Variants in N4BP1 observed in about 807,000 individuals in gnomAD.
The protein encoded by N4BP1 is NEDD4 binding protein 1, also known as NEDD4-binding protein 1.
In N4BP1, 21 loss-of-function variants were observed where a neutral mutation model predicts 70.9. That is an observed-to-expected ratio of 0.30 (90% CI 0.21 to 0.43). The LOEUF (loss-of-function observed/expected upper bound fraction) is 0.43, where lower values mean the gene tolerates loss of function less well. N4BP1 is among the 20% of genes least tolerant of loss of function. The pLI is 1.00. For synonymous variants in N4BP1, 387 were observed against 394.6 expected (o/e 0.98, Z 0.23); for missense variants, 936 against 1,069.4 (o/e 0.88, Z 1.74).
intron 1 of N4BP1, among the ~76,000 whole-genome samples, chr16:48,583,474 G>T (rs971671635): frequency 6.6e-6 from 1 of 152,124 alleles, no homozygotes; most frequent in Non-Finnish European, 1.5e-5. Flanking sequence ...AAATTCAAGA[G>T]AACTATTGTA....
intron 5 of N4BP1, 125 bp from the exon 6 acceptor site, chr16:48,546,379 G>T: frequency 1.9e-6 from 1 of 535,030 alleles, no homozygotes; most frequent in East Asian, 3.1e-5. Context: ...TCCTAAGACT[G>T]CTCAACTGCC....
chr16:48,581,248 T>TA (rs57672449), intron 1 of N4BP1, among the ~76,000 whole-genome samples: 52,660 of 144,986 alleles, frequency 0.36, 9,325 homozygotes, highest in African/African-American at 0.41. Context: ...CTTTTCATGA[T>TA]AAAAAAAAAA....
intron 1 of N4BP1, among the ~76,000 whole-genome samples, chr16:48,589,972 T>C (rs916649950): frequency 6.6e-6 from 1 of 152,184 alleles, no homozygotes; most frequent in Admixed American, 6.5e-5. Context: ...CCCTTCTTGC[T>C]TGGGGACCAG....
chr16:48,607,376 T>A (rs1198381163), intron 1 of N4BP1, among the ~76,000 whole-genome samples: 1 of 152,216 alleles, frequency 6.6e-6, no homozygotes, highest in African/African-American at 2.4e-5. Context: ...AGTGGAGATT[T>A]AAGCTGAAAG....
intron 1 of N4BP1, among the ~76,000 whole-genome samples, chr16:48,571,743 G>A (rs1426339924): frequency 5.3e-5 from 8 of 152,038 alleles, no homozygotes; most frequent in Admixed American, 5.2e-4. Context: ...AAAGACAAAG[G>A]GGAAGAAACC....
Position 48,584,423 on chromosome 16 carries a change from C to T in N4BP1, c.199-21979G>A, listed in dbSNP as rs367736328. ...ACTATAAGAAAAGCCTCATTTTTCA[C>T]GGTATGAATGAGAAATATCCCCAGG... On this transcript the variant is annotated intron_variant, in intron 1 of 6. Transcript: ENST00000262384. Among the ~76,000 whole-genome samples, 12 of 152,218 alleles carry T rather than the reference C, an allele frequency of 7.9e-5. No homozygotes were observed. In the South Asian group the frequency reaches 1.7e-3, roughly 21 times the overall value.
intron 1 of N4BP1, among the ~76,000 whole-genome samples, chr16:48,599,198 C>T (rs1338890465): frequency 6.6e-6 from 1 of 152,158 alleles, no homozygotes; most frequent in Non-Finnish European, 1.5e-5. Context: ...CCACTGCCCC[C>T]GCCCCTCATC....
chr16:48,600,740 T>C (rs1214233556), intron 1 of N4BP1: 3 of 328,254 alleles, frequency 9.1e-6, no homozygotes, highest in African/African-American at 4.3e-5. Context: ...ATAAGGTCAC[T>C]TAAATGAAAA....
chr16:48,609,811 C>G lies in N4BP1; in HGVS notation c.162G>C (p.Gln54His). ...EEPLPARIWL[Q>H]LCGAQEAVHS... ...GCACCGCCTCCTGCGCCCCGCAGAG[C>G]TGCAGCCAGATGCGCGCGGGCAGCG... The change falls in exon 1 of 7, where the codon CAG becomes CAC. Residue 54 changes from glutamine to histidine, a missense_variant. Coordinates refer to ENST00000262384, the MANE Select transcript of N4BP1 (RefSeq NM_153029.4). 1.3e-6 allele frequency: 2 copies of G among 1,483,908 alleles called. No individual in the cohort carries two copies. Among genetic ancestry groups the G allele is most frequent in the Non-Finnish European group, 1.8e-6 (2 of 1,122,062 alleles). 91.9% of individuals were successfully genotyped at this position (1,483,908 alleles called of 1,614,324 possible).
intron 1 of N4BP1, among the ~76,000 whole-genome samples, chr16:48,595,051 G>A (rs1964390425): frequency 6.6e-6 from 1 of 152,132 alleles, no homozygotes; most frequent in Non-Finnish European, 1.5e-5. Context: ...GGACTCCCAG[G>A]GATAGCTAAA....
chr16:48,548,138 A>T, intron 4 of N4BP1, 24 bp from the exon 5 acceptor site: 1 of 1,403,154 alleles, frequency 7.1e-7, no homozygotes. Context: ...AGAGAGTTTA[A>T]AATCAGCAAC....
At chr16:48,577,181 C>G (rs752328460) in intron 1 of N4BP1, among the ~76,000 whole-genome samples, 4 of 152,168 alleles carry the variant, frequency 2.6e-5, no homozygotes, top group Non-Finnish European at 4.4e-5. Context: ...ATGACTAATG[C>G]CAAGCCCAAA....
rs1407110638 is a variant in N4BP1 at position 48,561,519 on chromosome 16, G to C, written c.1124C>G (p.Thr375Ser). ...TTCCTCTAAGAGCAATAATGGTTCA[G>C]TAGATGGTCCATACACCTTAATGAC... ...EKVIKVYGPS[T>S]EPLLLLEEIE... is the part of the protein sequence containing the mutation. The change falls in exon 2 of 7, where the codon ACT becomes AGT. Residue 375 changes from threonine (T) to serine (S), a missense_variant. Physicochemically the swap from Thr to Ser is moderately conservative, Grantham distance 58. This residue lies in a region of N4BP1 where 515 missense variants were observed against 491.7 expected (regional missense o/e 1.05). Transcript: ENST00000262384. 1 of 1,613,506 alleles carries C rather than the reference G, an allele frequency of 6.2e-7. No homozygotes were observed. The highest frequency in any genetic ancestry group is 8.5e-7 in the Non-Finnish European group (1 of 1,179,808).
At chr16:48,589,057 A>G (rs568594433) in intron 1 of N4BP1, among the ~76,000 whole-genome samples, 1 of 152,276 alleles carries the variant, frequency 6.6e-6, no homozygotes, top group African/African-American at 2.4e-5. Context: ...TTACATTATA[A>G]CTTGTAGATT....
chr16:48,601,562 T>C (rs1964499272), intron 1 of N4BP1, among the ~76,000 whole-genome samples: 1 of 152,166 alleles, frequency 6.6e-6, no homozygotes, highest in African/African-American at 2.4e-5. Context: ...AAAGATGCCA[T>C]AATCACAAAT....
At position 48,561,610 on chromosome 16, in the gene N4BP1, T is replaced by G. The variant is rs746326634; in HGVS notation, c.1033A>C (p.Met345Leu). The change falls in exon 2 of 7, where the codon ATG (methionine) becomes CTG (leucine). Residue 345 changes from methionine (M) to leucine (L), a missense_variant. Physicochemically the swap from Met to Leu is conservative, Grantham distance 15. Around this residue, in one of 4 missense-constraint regions of N4BP1, gnomAD observed 515 missense variants for 491.7 expected, o/e 1.05. Transcript: ENST00000262384. ...SPDIKETTEEMEYNILVNFFK... is the reference protein window; with the variant it reads ...SPDIKETTEELEYNILVNFFK... ...AAGTTTACGAGGATGTTGTATTCCA[T>G]TTCCTCAGTAGTTTCTTTTATATCT... 6.2e-7 allele frequency: 1 copy of G among 1,613,378 alleles called. No homozygotes were observed. Among genetic ancestry groups the G allele is most frequent in the Non-Finnish European group, 8.5e-7 (1 of 1,179,812 alleles).
chr16:48,567,492 T>C (rs1158443602), intron 1 of N4BP1, among the ~76,000 whole-genome samples: 1 of 152,106 alleles, frequency 6.6e-6, no homozygotes, highest in African/African-American at 2.4e-5. Flanking sequence ...TAATTTTTTG[T>C]ATTTTTAGTA....
At position 48,539,328 on chromosome 16, in the gene N4BP1, A is replaced by C. The variant is rs1178411114; in HGVS notation, c.*3576T>G. On this transcript the variant is annotated 3_prime_UTR_variant, in exon 7 of 7. Coordinates refer to ENST00000262384, the MANE Select transcript of N4BP1 (RefSeq NM_153029.4). ...CCACCCCTGGGTGTCTGAGAGTGGG[A>C]GTAGCGGGCAGGGGCCAGCAAAGCA... is the stretch of plus-strand genomic sequence containing the variant. The C allele has an allele frequency of 1.3e-5, 2 of 152,508 alleles. No homozygotes were observed. Among genetic ancestry groups the C allele is most frequent in the African/African-American group, 4.8e-5 (2 of 41,428 alleles). The allele number at this position is 152,508 out of a possible 1,614,324, so 9.4% of individuals were successfully genotyped here.
chr16:48,542,932 T>C lies in N4BP1; in HGVS notation c.2663A>G (p.Asn888Ser), dbSNP rs1222494249. The C allele has an allele frequency of 6.2e-7, 1 of 1,611,878 alleles. No homozygotes were observed. The highest frequency in any genetic ancestry group is 1.1e-5 in the South Asian group (1 of 91,044). Reference protein sequence around the residue: ...LVAHPYMKDLNALSAMVLD With the variant: ...LVAHPYMKDLSALSAMVLD ...ATCCAACACCATGGCAGAAAGCGCA[T>C]TTAGATCTTTCATGTATGGGTGGGC... The change falls in exon 7 of 7, where the codon AAT becomes AGT. Residue 888 changes from asparagine to serine, a missense_variant. Asn to Ser is a conservative substitution (Grantham distance 46). Around this residue, in one of 4 missense-constraint regions of N4BP1, gnomAD observed 229 missense variants for 343.5 expected, o/e 0.67. Coordinates refer to ENST00000262384, the MANE Select transcript of N4BP1 (RefSeq NM_153029.4).
Sources: gnomAD v4.1 joint callset for allele counts (sites outside exome capture counted in the v4.1 genomes callset) on GRCh38, gnomAD v4.1.1 for gene constraint, gnomAD v4.1.1 regional missense constraint, MANE v1.5 for transcripts, NCBI Gene and HGNC (gene_info 2026-07-23, HGNC 2026-07-21) for gene names.